Variants in MEIKIN observed in about 807,000 individuals in gnomAD.
MEIKIN encodes meiosis-specific kinetochore protein.
At chr5:131,912,239 T>A (rs557254319) in intron 7 of MEIKIN, among the ~76,000 whole-genome samples, 1 of 152,010 alleles carries the variant, frequency 6.6e-6, no homozygotes, top group South Asian at 2.1e-4. Context: ...GGGATAGCAA[T>A]CATGTTTCCT....
At chr5:131,863,152 C>T (rs913693270) in intron 9 of MEIKIN, among the ~76,000 whole-genome samples, 2 of 152,126 alleles carry the variant, frequency 1.3e-5, no homozygotes, top group African/African-American at 4.8e-5. Flanking sequence ...TGAGAAGATA[C>T]TCGATATGAT....
At chr5:131,890,017 CT>C (rs1750879850) in intron 8 of MEIKIN, among the ~76,000 whole-genome samples, 1 of 152,128 alleles carries the variant, frequency 6.6e-6, no homozygotes, top group South Asian at 2.1e-4. Context: ...ATTACGTTTA[CT>C]GATTTTCGTA....
chr5:131,895,438 G>T (rs1055010080), intron 8 of MEIKIN, among the ~76,000 whole-genome samples: 1 of 152,238 alleles, frequency 6.6e-6, no homozygotes, highest in South Asian at 2.1e-4. Context: ...TTTTTCTATT[G>T]ATGGGAATAG....
intron 11 of MEIKIN, among the ~76,000 whole-genome samples, chr5:131,823,738 G>A (rs1749562040): frequency 6.6e-6 from 1 of 152,082 alleles, no homozygotes; most frequent in Non-Finnish European, 1.5e-5. Context: ...GATGATGCTG[G>A]TGCTTATAGA....
chr5:131,933,196 T>G (rs1313002043), intron 5 of MEIKIN, among the ~76,000 whole-genome samples: 1 of 152,104 alleles, frequency 6.6e-6, no homozygotes, highest in Non-Finnish European at 1.5e-5. Context: ...GTAAGATAAG[T>G]ACAGGAAAAA....
intron 9 of MEIKIN, among the ~76,000 whole-genome samples, chr5:131,863,470 C>A (rs950229622): frequency 1.3e-5 from 2 of 150,704 alleles, no homozygotes; most frequent in Non-Finnish European, 2.9e-5. Flanking sequence ...CATCTGAGTG[C>A]AGCATTGTTG....
intron 8 of MEIKIN, among the ~76,000 whole-genome samples, chr5:131,896,167 T>C (rs1433432998): frequency 3.9e-5 from 6 of 152,178 alleles, no homozygotes; most frequent in African/African-American, 9.7e-5. Flanking sequence ...CAGGAGCAGG[T>C]TGTTCAGTTT....
chr5:131,827,148 C>T (rs554401951), intron 11 of MEIKIN, among the ~76,000 whole-genome samples: 4 of 152,230 alleles, frequency 2.6e-5, no homozygotes, highest in African/African-American at 9.6e-5. Context: ...CAATGCCTGG[C>T]TAATTATTTT....
At chr5:131,885,264 A>G (rs1367094131) in intron 8 of MEIKIN, among the ~76,000 whole-genome samples, 1 of 151,864 alleles carries the variant, frequency 6.6e-6, no homozygotes, top group African/African-American at 2.4e-5. Flanking sequence ...GACCAAGCAC[A>G]GTCCCAGTAT....
intron 12 of MEIKIN, among the ~76,000 whole-genome samples, chr5:131,817,438 C>T (rs999747379): frequency 5.3e-5 from 8 of 151,882 alleles, no homozygotes; most frequent in Admixed American, 2.0e-4. Flanking sequence ...GATGAAACCC[C>T]ATCTCTACTG....
rs559072254 is a variant in MEIKIN at position 131,919,834 on chromosome 5, T to A, written c.598+1988A>T. ...TGGAAGAAGGAGAAAGTGACAATTT[T>A]CTGAGAATAACTTTTTATATAGCTA... On this transcript the variant is annotated intron_variant, in intron 6 of 12. Coordinates refer to ENST00000442687, the MANE Select transcript of MEIKIN (RefSeq NM_001303622.2). Among the ~76,000 whole-genome samples, 8 of 152,298 alleles carry A rather than the reference T, an allele frequency of 5.3e-5. No individual in the cohort carries two copies. In the South Asian group the frequency reaches 1.2e-3, roughly 24 times the overall value.
At chr5:131,940,242 AG>A (rs773680177) in intron 4 of MEIKIN, among the ~76,000 whole-genome samples, 4 of 152,212 alleles carry the variant, frequency 2.6e-5, no homozygotes, top group Non-Finnish European at 5.9e-5. Context: ...AAGGCAAAGA[AG>A]GGAGAGGAAG....
At chr5:131,819,877 G>A (rs1044770469) in intron 11 of MEIKIN, among the ~76,000 whole-genome samples, 1 of 136,406 alleles carries the variant, frequency 7.3e-6, no homozygotes, top group African/African-American at 2.8e-5. Flanking sequence ...CCGGGTTCAC[G>A]CCATTCTCCT....
chr5:131,839,711 C>T (rs1749870491), intron 11 of MEIKIN, among the ~76,000 whole-genome samples: 1 of 152,098 alleles, frequency 6.6e-6, no homozygotes. Context: ...GTAGATTTTC[C>T]TCGATCCCTT....
intron 4 of MEIKIN, among the ~76,000 whole-genome samples, chr5:131,939,295 G>A (rs1263478390): frequency 1.3e-5 from 2 of 151,836 alleles, no homozygotes; most frequent in Non-Finnish European, 2.9e-5. Context: ...AATATGTAAT[G>A]CCTCTAATTC....
intron 11 of MEIKIN, among the ~76,000 whole-genome samples, chr5:131,835,478 A>G (rs1749789797): frequency 6.6e-6 from 1 of 152,106 alleles, no homozygotes; most frequent in Non-Finnish European, 1.5e-5. Flanking sequence ...CTTTTGTTTC[A>G]GGAGTTTTAT....
intron 12 of MEIKIN, among the ~76,000 whole-genome samples, chr5:131,815,182 G>C (rs1773080346): frequency 6.6e-6 from 1 of 152,128 alleles, no homozygotes; most frequent in Non-Finnish European, 1.5e-5. Context: ...AAGAATTTCA[G>C]TATGAGTCAT....
At chr5:131,918,344 T>C (rs1201360436) in intron 6 of MEIKIN, among the ~76,000 whole-genome samples, 1 of 152,246 alleles carries the variant, frequency 6.6e-6, no homozygotes, top group Non-Finnish European at 1.5e-5. Flanking sequence ...TGTTAGATTT[T>C]TTGACATTTG....
At chr5:131,878,313 A>C (rs1237666876) in intron 9 of MEIKIN, among the ~76,000 whole-genome samples, 2 of 152,218 alleles carry the variant, frequency 1.3e-5, no homozygotes, top group African/African-American at 4.8e-5. Context: ...CACGCCTGTA[A>C]TCCCAGCACT....
Sources: gnomAD v4.1 joint callset for allele counts (sites outside exome capture counted in the v4.1 genomes callset) on GRCh38, gnomAD v4.1.1 for gene constraint, MANE v1.5 for transcripts, NCBI Gene and HGNC (gene_info 2026-07-23, HGNC 2026-07-21) for gene names.